Variants in ZNF609 observed in about 807,000 individuals in gnomAD.
ZNF609 encodes the protein zinc finger protein 609.
A neutral mutation model predicts 109.5 loss-of-function variants in ZNF609; 11 were observed. The observed-to-expected ratio is 0.10, with a 90% CI of 0.06 to 0.17. The LOEUF (loss-of-function observed/expected upper bound fraction) is 0.17. Ranked by LOEUF, ZNF609 falls within the 10% of genes least tolerant of loss-of-function variation. The pLI, the probability that ZNF609 is intolerant of heterozygous loss-of-function variation, is 1.00. For missense variants in ZNF609, 1,559 were observed against 1,772.4 expected (o/e 0.88, Z 2.16); for synonymous variants, 646 against 662.0 (o/e 0.98, Z 0.37).
At chr15:64,622,122 T>C (rs1255536366) in intron 2 of ZNF609, among the ~76,000 whole-genome samples, 5 of 152,192 alleles carry the variant, frequency 3.3e-5, no homozygotes, top group Admixed American at 3.3e-4. Flanking sequence ...CTGTTTCTTA[T>C]AGATAAATTT....
chr15:64,569,049 G>A (rs1894822142), intron 2 of ZNF609, among the ~76,000 whole-genome samples: 2 of 152,074 alleles, frequency 1.3e-5, no homozygotes, highest in African/African-American at 4.8e-5. Context: ...TATATATGTG[G>A]CTTTTTACTA....
intron 2 of ZNF609, among the ~76,000 whole-genome samples, chr15:64,617,187 T>A (rs1329418081): frequency 1.3e-5 from 2 of 152,032 alleles, no homozygotes; most frequent in East Asian, 3.9e-4. Flanking sequence ...CTACAAAGTT[T>A]TTGTTTTTGT....
chr15:64,595,423 C>G (rs1053495538), intron 2 of ZNF609, among the ~76,000 whole-genome samples: 1 of 151,352 alleles, frequency 6.6e-6, no homozygotes, highest in African/African-American at 2.4e-5. Flanking sequence ...GAGATCCTGG[C>G]TGACAATGCA....
At chr15:64,511,595 G>A (rs150768008) in intron 2 of ZNF609, among the ~76,000 whole-genome samples, 34 of 152,092 alleles carry the variant, frequency 2.2e-4, no homozygotes, top group African/African-American at 8.0e-4. Flanking sequence ...CATTCAGGTT[G>A]CAGAGTTTCT....
intron 2 of ZNF609, among the ~76,000 whole-genome samples, chr15:64,609,070 T>TTCTC (rs1491265949): frequency 1.0e-4 from 3 of 29,578 alleles, no homozygotes; most frequent in Admixed American, 4.3e-4. Flanking sequence ...TAATTTTTCT[T>TTCTC]TCTTTCTTTC....
chr15:64,559,136 A>G lies in ZNF609; in HGVS notation c.747+58970A>G, dbSNP rs187589718. Among the ~76,000 whole-genome samples the G allele has an allele frequency of 3.3e-5, 5 of 152,350 alleles. No homozygotes were observed. In the East Asian group the frequency reaches 7.7e-4, roughly 23 times the overall value. ...AGGCTGAACTCTAACCTTGTGAACTATTTTAATGTGTGGCCTCATAAATGT... is the reference window on the plus strand; with the variant it reads ...AGGCTGAACTCTAACCTTGTGAACTGTTTTAATGTGTGGCCTCATAAATGT... On this transcript the variant is annotated intron_variant, in intron 2 of 9. Transcript: ENST00000326648.
In ZNF609 at chr15:64,603,203, C is replaced by T. The variant is rs188342634; in HGVS notation, c.748-19624C>T. ...GTTCTTGCATCTCCTGAGATAATGG[C>T]GTCAGAAATCTTGAAGTCAGCCCAG... On this transcript the variant is annotated intron_variant, in intron 2 of 9. Coordinates refer to ENST00000326648, the MANE Select transcript of ZNF609 (RefSeq NM_015042.2). Among the ~76,000 whole-genome samples, 10 of 151,646 alleles carry T rather than the reference C, an allele frequency of 6.6e-5. 1 individual carries two copies. The highest frequency in any genetic ancestry group is 4.6e-4 in the Admixed American group (7 of 15,202).
intron 2 of ZNF609, among the ~76,000 whole-genome samples, chr15:64,520,319 C>A (rs998321730): frequency 2.6e-5 from 4 of 152,106 alleles, no homozygotes. Flanking sequence ...CAAGGTAAGA[C>A]AACCAAAAAT....
At chr15:64,609,175 C>T (rs1196067598) in intron 2 of ZNF609, among the ~76,000 whole-genome samples, 3 of 133,068 alleles carry the variant, frequency 2.3e-5, no homozygotes, top group African/African-American at 5.6e-5. Flanking sequence ...TTCTTTCTGT[C>T]TGTCTGTCTT....
chr15:64,593,133 A>T, intron 2 of ZNF609: 2 of 1,589,968 alleles, frequency 1.3e-6, no homozygotes, highest in South Asian at 2.2e-5. Context: ...GCAGTCAGGG[A>T]CATTTCTGAA....
At chr15:64,681,555 G>A (rs73454993) in intron 9 of ZNF609, 137 bp from the exon 10 acceptor site, 10,080 of 606,856 alleles carry the variant, frequency 0.017, 703 homozygotes, top group African/African-American at 0.16. Flanking sequence ...ATGTGCATCT[G>A]AGAGGACCTG....
intron 2 of ZNF609, among the ~76,000 whole-genome samples, chr15:64,524,957 A>G (rs944988088): frequency 2.0e-5 from 3 of 152,100 alleles, no homozygotes; most frequent in Non-Finnish European, 2.9e-5. Context: ...AAGGATTCCA[A>G]TTTCCCCACA....
chr15:64,615,339 C>G (rs1487068194), intron 2 of ZNF609, among the ~76,000 whole-genome samples: 3 of 149,440 alleles, frequency 2.0e-5, no homozygotes, highest in African/African-American at 7.4e-5. Context: ...GACAAGATCT[C>G]TCTATGTTGC....
At chr15:64,611,394 C>A (rs1895714179) in intron 2 of ZNF609, among the ~76,000 whole-genome samples, 1 of 152,166 alleles carries the variant, frequency 6.6e-6, no homozygotes, top group Non-Finnish European at 1.5e-5. Flanking sequence ...TCAGCAAAAA[C>A]CTTTACCACA....
intron 1 of ZNF609, among the ~76,000 whole-genome samples, chr15:64,475,799 G>A (rs774164611): frequency 6.6e-6 from 1 of 152,126 alleles, no homozygotes; most frequent in Non-Finnish European, 1.5e-5. Context: ...TTAGCCCAGT[G>A]CTTCTTTGAA....
intron 2 of ZNF609, among the ~76,000 whole-genome samples, chr15:64,578,851 C>T (rs1054322086): frequency 1.3e-5 from 2 of 152,004 alleles, no homozygotes; most frequent in Non-Finnish European, 2.9e-5. Context: ...AGTACAAAAA[C>T]TATATGGGTA....
intron 2 of ZNF609, among the ~76,000 whole-genome samples, chr15:64,596,967 G>C (rs1895407356): frequency 6.6e-6 from 1 of 152,128 alleles, no homozygotes. Flanking sequence ...AGGCAGTTTT[G>C]AATTAATATT....
chr15:64,572,962 C>T (rs1894881646), intron 2 of ZNF609, among the ~76,000 whole-genome samples: 1 of 152,178 alleles, frequency 6.6e-6, no homozygotes, highest in Admixed American at 6.5e-5. Context: ...CCACGCGGGA[C>T]ACGTAGTTCG....
intron 3 of ZNF609, among the ~76,000 whole-genome samples, chr15:64,625,580 C>T (rs1895940227): frequency 2.0e-5 from 3 of 151,950 alleles, no homozygotes; most frequent in Admixed American, 6.6e-5. Flanking sequence ...ATTGTCATTT[C>T]TGGATCTATC....
Sources: allele counts gnomAD v4.1 joint callset (sites outside exome capture counted in the v4.1 genomes callset), GRCh38; gene constraint gnomAD v4.1.1; transcripts MANE v1.5; gene names NCBI Gene and HGNC (gene_info 2026-07-23, HGNC 2026-07-21).